The following ASIC2 variants were observed in gnomAD, a reference collection of about 807,000 sequenced individuals.
The protein encoded by ASIC2 is acid sensing ion channel subunit 2.
In ASIC2, 25 loss-of-function variants were observed where a neutral mutation model predicts 57.3. The observed-to-expected ratio is 0.44, with a 90% CI of 0.32 to 0.61. The LOEUF (loss-of-function observed/expected upper bound fraction) is 0.61. Among genes scored for constraint, ASIC2 ranks in the 20% least tolerant of loss-of-function variants. ASIC2 has a pLI of 0.06. For synonymous variants in ASIC2, 319 were observed against 307.5 expected (o/e 1.04, Z -0.39); for missense variants, 641 against 738.1 (o/e 0.87, Z 1.52).
intron 1 of ASIC2, among the ~76,000 whole-genome samples, chr17:33,937,517 G>A (rs770885189): frequency 6.6e-6 from 1 of 152,046 alleles, no homozygotes; most frequent in Admixed American, 6.6e-5. Flanking sequence ...AATCACTTGT[G>A]ACTCTACTAA....
intron 1 of ASIC2, among the ~76,000 whole-genome samples, chr17:33,880,318 C>G (rs2141939195): frequency 6.6e-6 from 1 of 152,218 alleles, no homozygotes; most frequent in South Asian, 2.1e-4. Flanking sequence ...AATCCAGGAG[C>G]TGGTTTTTTT....
chr17:33,180,844 T>C (rs1243675874), intron 1 of ASIC2, among the ~76,000 whole-genome samples: 2 of 152,106 alleles, frequency 1.3e-5, no homozygotes, highest in African/African-American at 4.8e-5. Flanking sequence ...CTCAGACCTA[T>C]GTTTCACTGG....
At chr17:33,469,238 G>T (rs1912962883) in intron 1 of ASIC2, among the ~76,000 whole-genome samples, 1 of 152,206 alleles carries the variant, frequency 6.6e-6, no homozygotes, top group Non-Finnish European at 1.5e-5. Flanking sequence ...GAGACCCATG[G>T]AGCACAGACT....
chr17:33,057,382 C>A (rs1257438442), intron 3 of ASIC2, among the ~76,000 whole-genome samples: 1 of 152,204 alleles, frequency 6.6e-6, no homozygotes, highest in African/African-American at 2.4e-5. Context: ...AACCTCCATA[C>A]CTGAGCTATA....
intron 1 of ASIC2, among the ~76,000 whole-genome samples, chr17:33,698,848 A>G (rs1404741937): frequency 6.6e-6 from 1 of 152,148 alleles, no homozygotes; most frequent in Non-Finnish European, 1.5e-5. Flanking sequence ...TCCTGGGAGC[A>G]TGGATAGGCA....
chr17:33,210,748 C>A (rs1462699905), intron 1 of ASIC2, among the ~76,000 whole-genome samples: 8 of 152,216 alleles, frequency 5.3e-5, no homozygotes, highest in African/African-American at 1.9e-4. Context: ...AAAGGGCACA[C>A]CCATCGTGTG....
intron 1 of ASIC2, among the ~76,000 whole-genome samples, chr17:33,763,247 C>T (rs1258469286): frequency 3.3e-5 from 5 of 152,146 alleles, no homozygotes; most frequent in African/African-American, 4.8e-5. Flanking sequence ...ATGCTTGGTG[C>T]ATAGTATGTG....
chr17:34,113,343 T>C (rs1196094292), intron 1 of ASIC2, among the ~76,000 whole-genome samples: 1 of 152,188 alleles, frequency 6.6e-6, no homozygotes, highest in African/African-American at 2.4e-5. Flanking sequence ...GGAGGATTGC[T>C]TGAGCTCAAG....
intron 1 of ASIC2, among the ~76,000 whole-genome samples, chr17:34,016,727 G>A (rs1906994430): frequency 6.6e-6 from 1 of 152,180 alleles, no homozygotes; most frequent in South Asian, 2.1e-4. Flanking sequence ...ATGGATTGGG[G>A]ATCTAGGTGT....
At chr17:33,877,617 G>C (rs201903989) in intron 1 of ASIC2, among the ~76,000 whole-genome samples, 2 of 152,206 alleles carry the variant, frequency 1.3e-5, no homozygotes, top group Non-Finnish European at 2.9e-5. Context: ...CGGGAAGCTC[G>C]AACTGGGTGG....
intron 1 of ASIC2, among the ~76,000 whole-genome samples, chr17:33,757,955 G>A (rs1379681097): frequency 6.6e-6 from 1 of 152,196 alleles, no homozygotes; most frequent in Non-Finnish European, 1.5e-5. Flanking sequence ...TAAGCAAAAA[G>A]AGAAATTAAT....
At chr17:33,021,130 T>C in intron 7 of ASIC2, 89 bp downstream of exon 7, 1 of 962,944 alleles carries the variant, frequency 1.0e-6, no homozygotes, top group Admixed American at 2.1e-5. Context: ...GCTATGTGTC[T>C]GTCTGCTTGC....
intron 1 of ASIC2, among the ~76,000 whole-genome samples, chr17:33,926,533 C>G (rs1915825266): frequency 6.6e-6 from 1 of 152,160 alleles, no homozygotes; most frequent in Admixed American, 6.5e-5. Flanking sequence ...GTACACTGAG[C>G]CATCAGAAAG....
At chr17:34,066,873 C>T (rs1396990045) in intron 1 of ASIC2, among the ~76,000 whole-genome samples, 1 of 152,206 alleles carries the variant, frequency 6.6e-6, no homozygotes, top group African/African-American at 2.4e-5. Context: ...CAGGAAACAA[C>T]ACACAATGTC....
At chr17:33,506,837 A>T (rs1257262025) in intron 1 of ASIC2, among the ~76,000 whole-genome samples, 1 of 152,232 alleles carries the variant, frequency 6.6e-6, no homozygotes, top group African/African-American at 2.4e-5. Flanking sequence ...CAAGCGGCAG[A>T]TGCTCAATAA....
chr17:33,817,596 T>C (rs528108667), intron 1 of ASIC2, among the ~76,000 whole-genome samples: 96 of 152,290 alleles, frequency 6.3e-4, no homozygotes, highest in African/African-American at 2.2e-3. Flanking sequence ...CATTCACTGG[T>C]TTGTATAACC....
chr17:33,920,331 A>G (rs368661951), intron 1 of ASIC2, among the ~76,000 whole-genome samples: 1 of 152,356 alleles, frequency 6.6e-6, no homozygotes, highest in East Asian at 1.9e-4. Context: ...GATGGACTAG[A>G]TAAAGAAAAT....
At chr17:33,974,902 C>T (rs1341216748) in intron 1 of ASIC2, among the ~76,000 whole-genome samples, 4 of 152,112 alleles carry the variant, frequency 2.6e-5, no homozygotes, top group Non-Finnish European at 5.9e-5. Flanking sequence ...TTCCTGTCTT[C>T]CTCTCCTGCT....
chr17:33,156,174 C>G (rs1181822120), intron 1 of ASIC2, among the ~76,000 whole-genome samples: 1 of 151,650 alleles, frequency 6.6e-6, no homozygotes, highest in Non-Finnish European at 1.5e-5. Flanking sequence ...GTTGCCCAGG[C>G]TGGAGTGCAG....
Sources: gnomAD v4.1 joint callset for allele counts (sites outside exome capture counted in the v4.1 genomes callset) on GRCh38, gnomAD v4.1.1 for gene constraint, MANE v1.5 for transcripts, NCBI Gene and HGNC (gene_info 2026-07-23, HGNC 2026-07-21) for gene names.